Variants in ABCA13 observed in about 807,000 individuals in gnomAD.
ABCA13 encodes ATP-binding cassette sub-family A member 13.
In ABCA13, 476 loss-of-function variants were observed where a neutral mutation model predicts 478.7. The observed-to-expected ratio is 0.99, with a 90% CI of 0.92 to 1.07. The LOEUF is 1.07. Among genes scored for constraint, ABCA13 ranks in the 50% least tolerant of loss-of-function variants. The pLI, the probability that ABCA13 is intolerant of heterozygous loss-of-function variation, is 0.00. For missense variants in ABCA13, 6,060 were observed against 5,910.6 expected (o/e 1.03, Z -0.83); for synonymous variants, 2,252 against 2,158.9 (o/e 1.04, Z -1.20).
At chr7:48,521,432 A>T (rs958588888) in intron 53 of ABCA13, among the ~76,000 whole-genome samples, 1 of 152,220 alleles carries the variant, frequency 6.6e-6, no homozygotes, top group Admixed American at 6.5e-5. Context: ...ATTTTGTTAC[A>T]TAACCCCTTT....
chr7:48,424,919 A>C (rs1034397843), intron 41 of ABCA13, among the ~76,000 whole-genome samples: 4 of 152,230 alleles, frequency 2.6e-5, no homozygotes, highest in Non-Finnish European at 4.4e-5. Context: ...TTTTGTCAAA[A>C]TCTCAGAGCC....
intron 15 of ABCA13, among the ~76,000 whole-genome samples, chr7:48,256,083 G>A (rs890089125): frequency 2.0e-5 from 3 of 152,002 alleles, no homozygotes; most frequent in African/African-American, 4.8e-5. Context: ...ATACTTATTG[G>A]CCATGTGCAT....
intron 38 of ABCA13, among the ~76,000 whole-genome samples, chr7:48,402,033 T>C (rs1165557609): frequency 6.6e-6 from 1 of 152,176 alleles, no homozygotes; most frequent in Admixed American, 6.5e-5. Context: ...TGTGAAGGAC[T>C]GCACAGGTGG....
chr7:48,331,504 A>G (rs1485012784), intron 27 of ABCA13, among the ~76,000 whole-genome samples: 1 of 152,222 alleles, frequency 6.6e-6, no homozygotes, highest in East Asian at 1.9e-4. Flanking sequence ...TGATGCTCAA[A>G]TGATCCCAAC....
intron 55 of ABCA13, among the ~76,000 whole-genome samples, chr7:48,531,089 C>A (rs762048146): frequency 6.6e-6 from 1 of 151,978 alleles, no homozygotes; most frequent in Admixed American, 6.5e-5. Flanking sequence ...GGGGTTTTTC[C>A]GATGTTATCT....
At chr7:48,485,776 A>G (rs1829238000) in intron 47 of ABCA13, among the ~76,000 whole-genome samples, 1 of 152,138 alleles carries the variant, frequency 6.6e-6, no homozygotes, top group South Asian at 2.1e-4. Flanking sequence ...TGCATAACAG[A>G]TGGTGCCAGG....
chr7:48,306,727 A>G (rs886897289), intron 23 of ABCA13, among the ~76,000 whole-genome samples: 1 of 152,244 alleles, frequency 6.6e-6, no homozygotes, highest in Non-Finnish European at 1.5e-5. Flanking sequence ...TAAAGACTCA[A>G]AATGCACACT....
intron 29 of ABCA13, among the ~76,000 whole-genome samples, chr7:48,345,634 G>A (rs555527802): frequency 1.3e-5 from 2 of 152,202 alleles, no homozygotes; most frequent in Non-Finnish European, 2.9e-5. Context: ...TTTAAGCTAA[G>A]TATGATTACA....
chr7:48,599,371 GT>G (rs369712255), intron 58 of ABCA13, among the ~76,000 whole-genome samples: 21 of 146,800 alleles, frequency 1.4e-4, no homozygotes, highest in African/African-American at 3.2e-4. Flanking sequence ...AGGGGTTACA[GT>G]TTTTTTTTTA....
intron 58 of ABCA13, among the ~76,000 whole-genome samples, chr7:48,607,208 C>T (rs1791561153): frequency 6.6e-6 from 1 of 152,200 alleles, no homozygotes; most frequent in South Asian, 2.1e-4. Flanking sequence ...CTGCTGGTTG[C>T]AAAGACCACA....
At position 48,520,059 on chromosome 7, in the gene ABCA13, G is replaced by T; in HGVS notation, c.13816G>T (p.Asp4606Tyr). ...TGTGCAGAATTTACAGAATATCTAT[G>T]ATGTCCTCAAGTGGGTCTTTACTAT... is the stretch of plus-strand genomic sequence containing the variant. The part of the protein sequence containing the change: ...SKAKNLQNIY[D>Y]VLKWVFTIFP... Residue 4606 changes from aspartate to tyrosine, a missense_variant, in exon 53 of 62, where the codon GAT becomes TAT. This residue lies in a region of ABCA13 where 1,627 missense variants were observed against 1,571.0 expected (regional missense o/e 1.04). Transcript: ENST00000435803. 1 of 1,611,682 alleles carries T rather than the reference G, an allele frequency of 6.2e-7. No individual in the cohort carries two copies. Among genetic ancestry groups the T allele is most frequent in the Non-Finnish European group, 8.5e-7 (1 of 1,178,638 alleles).
In ABCA13 at chr7:48,403,733, C is replaced by T. The variant is rs774806006; in HGVS notation, c.11924C>T (p.Ala3975Val). The T allele has an allele frequency of 4.0e-5, 64 of 1,613,880 alleles. No homozygotes were observed. Among genetic ancestry groups the T allele is most frequent in the Non-Finnish European group, 5.3e-5 (63 of 1,179,880 alleles). ...LTQHQHKQTR[A>V]LSGGLKRKLS... is the part of the protein sequence containing the mutation. ...CAGCATCAGCACAAACAGACCCGAG[C>T]TCTGTCTGGAGGCCTGAAGAGGAAG... The change falls in exon 39 of 62, where the codon GCT becomes GTT. Residue 3975 changes from alanine (A) to valine (V), a missense_variant. Physicochemically the swap from Ala to Val is moderately conservative, Grantham distance 64. This residue lies in a region of ABCA13 where 1,627 missense variants were observed against 1,571.0 expected (regional missense o/e 1.04). Coordinates refer to ENST00000435803, the MANE Select transcript of ABCA13 (RefSeq NM_152701.5).
intron 29 of ABCA13, among the ~76,000 whole-genome samples, chr7:48,346,365 G>A (rs1808100864): frequency 6.6e-6 from 1 of 152,048 alleles, no homozygotes; most frequent in South Asian, 2.1e-4. Flanking sequence ...GTTTTATGCA[G>A]TTAAATTGTT....
intron 42 of ABCA13, among the ~76,000 whole-genome samples, chr7:48,450,501 C>T (rs1443049302): frequency 6.6e-6 from 1 of 152,136 alleles, no homozygotes; most frequent in African/African-American, 2.4e-5. Flanking sequence ...TATCAAATGG[C>T]ATGTAGGGTT....
intron 27 of ABCA13, among the ~76,000 whole-genome samples, chr7:48,333,772 G>A (rs960206283): frequency 6.6e-6 from 1 of 152,212 alleles, no homozygotes; most frequent in Admixed American, 6.5e-5. Flanking sequence ...GCCTCCAGCA[G>A]TTGGAGAAGA....
intron 42 of ABCA13, 71 bp from the exon 43 acceptor site, chr7:48,454,966 G>A: frequency 1.4e-6 from 2 of 1,424,940 alleles, no homozygotes; most frequent in Non-Finnish European, 1.8e-6. Flanking sequence ...TCACCGAGAG[G>A]GCAAACGAGG....
chr7:48,616,999 A>G (rs868435337), intron 59 of ABCA13, among the ~76,000 whole-genome samples: 2 of 152,160 alleles, frequency 1.3e-5, no homozygotes, highest in Non-Finnish European at 2.9e-5. Flanking sequence ...GTGCCACTAC[A>G]CTCCAGCCTG....
Position 48,274,609 on chromosome 7 carries a change from A to C in ABCA13, c.4943A>C (p.His1648Pro). 6.2e-7 allele frequency: 1 copy of C among 1,613,982 alleles called. No homozygotes were observed. The highest frequency in any genetic ancestry group is 8.5e-7 in the Non-Finnish European group (1 of 1,179,856). ...AACTCCTTAATGCCTGTAGTTCATC[A>C]CACTAGTCCACAAAATGCAGGTTAT... The part of the protein sequence containing the change: ...VFNSLMPVVH[H>P]TSPQNAGYMQ... The change falls in exon 17 of 62, where the codon CAC becomes CCC. Residue 1648 changes from histidine (H) to proline (P), a missense_variant. By Grantham distance (77) the His-to-Pro change is moderately conservative. Coordinates refer to ENST00000435803, the MANE Select transcript of ABCA13 (RefSeq NM_152701.5).
intron 41 of ABCA13, among the ~76,000 whole-genome samples, chr7:48,425,685 T>G (rs1821301910): frequency 6.6e-6 from 1 of 152,182 alleles, no homozygotes; most frequent in Non-Finnish European, 1.5e-5. Context: ...TTTTATAACT[T>G]TATATATAAA....
Sources: allele counts gnomAD v4.1 joint callset (sites outside exome capture counted in the v4.1 genomes callset), GRCh38; gene constraint gnomAD v4.1.1; regional missense constraint gnomAD v4.1.1; transcripts MANE v1.5; gene names NCBI Gene and HGNC (gene_info 2026-07-23, HGNC 2026-07-21).